The following CABIN1 variants were observed in gnomAD, a reference collection of about 807,000 sequenced individuals.
CABIN1 encodes calcineurin-binding protein cabin-1.
Under a neutral mutation model 227.7 loss-of-function variants are expected in CABIN1, and 133 were observed. The observed-to-expected ratio is 0.58, with a 90% CI of 0.51 to 0.67. The LOEUF is 0.67. CABIN1 is among the 30% of genes least tolerant of loss of function. The pLI is 0.00. For synonymous variants in CABIN1, 1,086 were observed against 1,155.1 expected (o/e 0.94, Z 1.21); for missense variants, 2,408 against 2,852.5 (o/e 0.84, Z 3.55).
intron 29 of CABIN1, among the ~76,000 whole-genome samples, chr22:24,148,983 T>C (rs762293626): frequency 2.6e-5 from 4 of 152,244 alleles, no homozygotes; most frequent in Non-Finnish European, 5.9e-5. Flanking sequence ...CTCCCTCTGC[T>C]TTCCCCCAAC....
chr22:24,168,170 C>G (rs756994843), intron 32 of CABIN1, among the ~76,000 whole-genome samples: 1 of 152,212 alleles, frequency 6.6e-6, no homozygotes, highest in South Asian at 2.1e-4. Context: ...AATTCTGGCA[C>G]CAGTACCTGG....
chr22:24,034,119 T>C (rs552553351), intron 1 of CABIN1, among the ~76,000 whole-genome samples: 1 of 152,330 alleles, frequency 6.6e-6, no homozygotes, highest in Non-Finnish European at 1.5e-5. Context: ...CAGTTCACAA[T>C]AGGGTTTGTG....
intron 13 of CABIN1, 98 bp from the exon 14 acceptor site, chr22:24,062,861 T>G: frequency 1.8e-6 from 2 of 1,137,462 alleles, no homozygotes; most frequent in Non-Finnish European, 2.7e-6. Flanking sequence ...CCCCTGGAGA[T>G]AGGGTGGGTG....
At chr22:24,107,162 T>C (rs1019329954) in intron 26 of CABIN1, among the ~76,000 whole-genome samples, 18 of 152,278 alleles carry the variant, frequency 1.2e-4, no homozygotes, top group Middle Eastern at 6.8e-3. Flanking sequence ...TCTGTGTACA[T>C]AGCCCCTGCC....
intron 3 of CABIN1, 81 bp from the exon 4 acceptor site, chr22:24,038,267 A>T: frequency 9.2e-7 from 1 of 1,081,840 alleles, no homozygotes; most frequent in Non-Finnish European, 1.4e-6. Context: ...CTCTGACTGT[A>T]GCCCCGCCTT....
At chr22:24,155,779 G>T in intron 29 of CABIN1, 1 of 388,872 alleles carries the variant, frequency 2.6e-6, no homozygotes, top group Non-Finnish European at 4.6e-6. Flanking sequence ...CGCACTCCTG[G>T]CCACCCCTAC....
chr22:24,106,389 C>T (rs1192315841), intron 26 of CABIN1, among the ~76,000 whole-genome samples: 2 of 152,324 alleles, frequency 1.3e-5, no homozygotes, highest in East Asian at 3.9e-4. Context: ...TCTTCAGGGG[C>T]CTCCCAGAGC....
Position 24,084,033 on chromosome 22 carries a change from C to G in CABIN1, c.2911-546C>G, listed in dbSNP as rs2040981522. On this transcript the variant is annotated intron_variant, in intron 20 of 36. Coordinates refer to ENST00000263119, the MANE Select transcript of CABIN1 (RefSeq NM_012295.4). ...GACCCCAAACCTAGGGCCACTCTCC[C>G]TGGAGTCAGCTCTCCTTCAATATTT... Among the ~76,000 whole-genome samples, 4 of 152,184 alleles carry G rather than the reference C, an allele frequency of 2.6e-5. No homozygotes were observed. In the South Asian group the frequency reaches 6.2e-4, roughly 24 times the overall value.
At chr22:24,057,295 T>C (rs2038875872) in intron 10 of CABIN1, among the ~76,000 whole-genome samples, 1 of 152,192 alleles carries the variant, frequency 6.6e-6, no homozygotes, top group Admixed American at 6.5e-5. Flanking sequence ...GGATCCTCAA[T>C]TTCTGAGCCT....
Position 24,050,888 on chromosome 22 carries a change from C to A in CABIN1, c.720C>A (p.Ala240=). 1.2e-6 allele frequency: 2 copies of A among 1,614,134 alleles called. No individual in the cohort carries two copies. The highest frequency in any genetic ancestry group is 1.7e-6 in the Non-Finnish European group (2 of 1,180,030). Residue 240 remains alanine, a synonymous_variant, in exon 8 of 37, where the codon GCC becomes GCA. Coordinates refer to ENST00000263119, the MANE Select transcript of CABIN1 (RefSeq NM_012295.4). ...AAETQAIVDE[A]LGLRKKRQAL... is the part of the protein sequence containing the mutation. ...AGACACAGGCGATTGTAGATGAGGC[C>A]TTGGGGCTGCGAAAAAAGAGGCAAG...
chr22:24,095,431 C>A (rs1438286013), intron 24 of CABIN1, among the ~76,000 whole-genome samples: 1 of 151,638 alleles, frequency 6.6e-6, no homozygotes, highest in Non-Finnish European at 1.5e-5. Flanking sequence ...CACCCACCCC[C>A]CCACCACACC....
At chr22:24,013,063 A>G (rs1266836826) in intron 1 of CABIN1, among the ~76,000 whole-genome samples, 1 of 148,200 alleles carries the variant, frequency 6.7e-6, no homozygotes, top group Non-Finnish European at 1.5e-5. Flanking sequence ...GCCCGGCCTC[A>G]ATAGCTTTTT....
chr22:24,038,018 A>T (rs2037055794), intron 3 of CABIN1, among the ~76,000 whole-genome samples: 1 of 152,224 alleles, frequency 6.6e-6, no homozygotes, highest in Non-Finnish European at 1.5e-5. Context: ...TATGGGGTGG[A>T]TTCACAGAGC....
At chr22:24,028,534 G>A (rs1013007386) in intron 1 of CABIN1, among the ~76,000 whole-genome samples, 1 of 152,168 alleles carries the variant, frequency 6.6e-6, no homozygotes, top group African/African-American at 2.4e-5. Flanking sequence ...AGAAAGATTT[G>A]ACTGAAAAGT....
chr22:24,044,090 G>A (rs2037651600), intron 6 of CABIN1, among the ~76,000 whole-genome samples: 1 of 152,154 alleles, frequency 6.6e-6, no homozygotes, highest in Non-Finnish European at 1.5e-5. Context: ...GTACGTGGGT[G>A]GAGGGACAAG....
rs780896719 is a variant in CABIN1 at position 24,042,818 on chromosome 22, C to CTCTG, written c.346-85_346-84insCTGT. 2,349 of 687,018 alleles carry CTCTG rather than the reference C, an allele frequency of 3.4e-3. 21 individuals carry two copies. Among genetic ancestry groups the CTCTG allele is most frequent in the East Asian group, 0.023 (498 of 21,922 alleles). The allele number at this position is 687,018 out of a possible 1,614,324, so 42.6% of individuals were successfully genotyped here. On this transcript the variant is annotated intron_variant, in intron 5 of 36. Transcript: ENST00000263119. The stretch of plus-strand genomic sequence containing the variant: ...GGTGCATATTCAAGGAGAGATCTGA[C>CTCTG]TGTGTGTGTGTGTGTGTGTGTGTGT...
At chr22:24,013,975 A>C (rs2035044042) in intron 1 of CABIN1, among the ~76,000 whole-genome samples, 1 of 152,130 alleles carries the variant, frequency 6.6e-6, no homozygotes, top group Non-Finnish European at 1.5e-5. Context: ...AAGATATTGG[A>C]ATGTCTTATT....
At chr22:24,067,305 A>T in intron 16 of CABIN1, 124 bp downstream of exon 16, 2 of 975,166 alleles carry the variant, frequency 2.1e-6, no homozygotes, top group Non-Finnish European at 3.2e-6. Flanking sequence ...GGATGTCAAA[A>T]CCACTAAGCC....
chr22:24,021,543 C>T (rs748386610), intron 1 of CABIN1, among the ~76,000 whole-genome samples: 4 of 152,152 alleles, frequency 2.6e-5, no homozygotes, highest in Non-Finnish European at 5.9e-5. Context: ...ACTTGAACTT[C>T]TGGGCCTTAG....
Sources: allele counts gnomAD v4.1 joint callset (sites outside exome capture counted in the v4.1 genomes callset), GRCh38; gene constraint gnomAD v4.1.1; transcripts MANE v1.5; gene names NCBI Gene and HGNC (gene_info 2026-07-23, HGNC 2026-07-21).